GRIP2: variants seen among roughly 807,000 people sequenced by gnomAD.
The protein encoded by GRIP2 is glutamate receptor interacting protein 2.
A neutral mutation model predicts 108.3 loss-of-function variants in GRIP2; 58 were observed. That is an observed-to-expected ratio of 0.54 (90% confidence interval 0.43 to 0.67). The LOEUF is 0.67. Among genes scored for constraint, GRIP2 ranks in the 30% least tolerant of loss-of-function variants. The pLI is 0.00. For synonymous variants in GRIP2, 586 were observed against 598.2 expected, an observed-to-expected ratio of 0.98 and a Z score of 0.30; for missense variants, 1,278 against 1,430.6, an observed-to-expected ratio of 0.89 and a Z score of 1.72.
chr3:14,568,309 G>A, the GRIP2 span, among the ~76,000 whole-genome samples: 3 of 152,158 alleles, frequency 2.0e-5, no homozygotes, highest in Admixed American at 6.5e-5. Flanking sequence ...AATAGACACC[G>A]GGACGTGGAC....
the GRIP2 span, among the ~76,000 whole-genome samples, chr3:14,568,584 C>T: frequency 1.3e-5 from 2 of 152,166 alleles, no homozygotes; most frequent in Non-Finnish European, 2.9e-5. Context: ...ACCTGACTCA[C>T]GTGGCACAGG....
chr3:14,505,391 C>T lies in GRIP2; in HGVS notation c.2573+224G>A, dbSNP rs1693890048. 6.6e-6 allele frequency among the ~76,000 whole-genome samples: 1 copy of T among 152,144 alleles called. No individual in the cohort carries two copies. Among genetic ancestry groups the T allele is most frequent in the African/African-American group, 2.4e-5 (1 of 41,424 alleles). On this transcript the variant is annotated intron_variant, in intron 20 of 23. Coordinates refer to ENST00000621039, the MANE Select transcript of GRIP2 (RefSeq NM_001080423.4). This position sits in a 1 kb window ranked among gnomAD's most constrained non-coding sequence, Gnocchi z 4.2. The stretch of plus-strand genomic sequence containing the variant: ...GGGAAGGGCAAACCAGGCTGCTCTC[C>T]ACCTCTATACCTTCGTCCCTGCCGT...
Position 14,524,378 on chromosome 3 carries a change from T to C in GRIP2, c.403+15A>G. ...CCGAGGCAGTGGAGAAAGTTCCCCG[T>C]CCAAGGGCACCCACCGGGCGGGGGC... On this transcript the variant is annotated intron_variant, in intron 4 of 23. Transcript: ENST00000621039. The C allele has an allele frequency of 6.2e-7, 1 of 1,607,116 alleles. No homozygotes were observed. The highest frequency in any genetic ancestry group is 1.1e-5 in the South Asian group (1 of 89,274).
the GRIP2 span, among the ~76,000 whole-genome samples, chr3:14,584,801 C>T: frequency 1.3e-5 from 2 of 152,322 alleles, no homozygotes; most frequent in African/African-American, 4.8e-5. Flanking sequence ...AGCACCCATA[C>T]ATCTCCCCTG....
Position 14,521,798 on chromosome 3 carries a change from G to C in GRIP2, c.567-11C>G. On this transcript the variant is annotated splice_polypyrimidine_tract_variant and intron_variant, in intron 6 of 23. Transcript: ENST00000621039. The surrounding 1 kb of genome is among the most constrained non-coding windows in gnomAD (Gnocchi z 5.1). Reference sequence around the variant, plus strand: ...TTCAGGGAGCCCTCCCTGTAGGGAAGGGCCAGTCACCAGCCTGGCCCGGCA... The same window carrying C: ...TTCAGGGAGCCCTCCCTGTAGGGAACGGCCAGTCACCAGCCTGGCCCGGCA... The C allele has an allele frequency of 6.3e-7, 1 of 1,580,178 alleles. No homozygotes were observed. The highest frequency in any genetic ancestry group is 8.6e-7 in the Non-Finnish European group (1 of 1,163,506).
chr3:14,559,737 G>A (rs114196571), upstream of GRIP2, among the ~76,000 whole-genome samples: 20 of 152,290 alleles, frequency 1.3e-4, no homozygotes, highest in African/African-American at 4.8e-4. Context: ...CACAAGAAAC[G>A]GAACTGAGGA....
chr3:14,552,546 G>A (rs916332197), intron 1 of GRIP2, among the ~76,000 whole-genome samples: 4 of 151,960 alleles, frequency 2.6e-5, no homozygotes, highest in Non-Finnish European at 5.9e-5. Flanking sequence ...CTCCTGCCTG[G>A]GTCCCACCCA....
chr3:14,499,383 G>A (rs1259154300), intron 21 of GRIP2, among the ~76,000 whole-genome samples: 1 of 65,128 alleles, frequency 1.5e-5, no homozygotes, highest in Non-Finnish European at 3.9e-5. Context: ...ACAAGTCGGC[G>A]AATCCATACT....
Position 14,524,459 on chromosome 3 carries a change from TG to T in GRIP2, c.336del (p.Ile113SerfsTer66). The T allele has an allele frequency of 1.9e-6, 3 of 1,599,240 alleles. No individual in the cohort carries two copies. Among genetic ancestry groups the T allele is most frequent in the Non-Finnish European group, 2.6e-6 (3 of 1,173,118 alleles). ...TCGCCCACATTCTTGAGCAGGGTGA[TG>T]ATCTCATCGTGGCGGAGCCTGGTCA... is the stretch of plus-strand genomic sequence containing the variant. Reference protein sequence around the residue: ...IHLTRLRHDEIITLLKNVGER... With the variant: ...IHLTRLRHDEXITLLKNVGER... On this transcript the variant is annotated frameshift_variant, in exon 4 of 24. Transcript: ENST00000621039. LOFTEE classifies it high-confidence loss of function.
the GRIP2 span, among the ~76,000 whole-genome samples, chr3:14,567,239 C>T: frequency 1.3e-5 from 2 of 152,044 alleles, no homozygotes; most frequent in African/African-American, 2.4e-5. Flanking sequence ...TTCCAAACAC[C>T]CTTCCAATCT....
chr3:14,532,421 G>A (rs897162461), intron 1 of GRIP2, among the ~76,000 whole-genome samples: 3 of 152,122 alleles, frequency 2.0e-5, no homozygotes, highest in African/African-American at 7.2e-5. Context: ...CTCAGCCTTC[G>A]CACTATGGGT....
chr3:14,598,494 G>A, the GRIP2 span, among the ~76,000 whole-genome samples: 2 of 148,156 alleles, frequency 1.3e-5, no homozygotes, highest in African/African-American at 4.9e-5. Flanking sequence ...TACGTTGACA[G>A]CCTTTTATCT....
At chr3:14,601,862 G>A in the GRIP2 span, among the ~76,000 whole-genome samples, 33 of 152,234 alleles carry the variant, frequency 2.2e-4, no homozygotes, top group Admixed American at 1.0e-3. Flanking sequence ...AAGGTGGGAG[G>A]CCTGGAAACT....
At chr3:14,510,268 T>G (rs577749031) in intron 16 of GRIP2, among the ~76,000 whole-genome samples, 16 of 149,104 alleles carry the variant, frequency 1.1e-4, no homozygotes, top group African/African-American at 3.0e-4. Flanking sequence ...GTTTTTTTTT[T>G]TTTTTTTTTT....
chr3:14,535,850 C>A (rs946021196), intron 1 of GRIP2, among the ~76,000 whole-genome samples: 1 of 152,208 alleles, frequency 6.6e-6, no homozygotes, highest in African/African-American at 2.4e-5. Context: ...CCTGCAGCCC[C>A]GGGGCTGTTC....
At chr3:14,572,480 C>T in the GRIP2 span, among the ~76,000 whole-genome samples, 271 of 150,972 alleles carry the variant, frequency 1.8e-3, 1 homozygote, top group Non-Finnish European at 2.9e-3. Flanking sequence ...GGCGTGGTGG[C>T]GGGCGCCTGT....
upstream of GRIP2, chr3:14,540,502 C>A: frequency 7.5e-7 from 1 of 1,332,808 alleles, no homozygotes; most frequent in East Asian, 2.6e-5. This position sits in a 1 kb window ranked among gnomAD's most constrained non-coding sequence, Gnocchi z 4.1. Context: ...GGCTCCAGGA[C>A]AGGGTCCAAC....
At chr3:14,567,996 G>T in the GRIP2 span, among the ~76,000 whole-genome samples, 2 of 152,218 alleles carry the variant, frequency 1.3e-5, no homozygotes, top group Admixed American at 1.3e-4. Flanking sequence ...CACGGCCCAT[G>T]CAAAGGCCCT....
At position 14,505,143 on chromosome 3, in the gene GRIP2, G is replaced by A. The variant is rs751043460; in HGVS notation, c.2573+472C>T. ...GGAACCGCCTGATCAAAAGCACCAC[G>A]ATGGGAGGGTGGCCTGGGCCAGATG... is the stretch of plus-strand genomic sequence containing the variant. On this transcript the variant is annotated intron_variant, in intron 20 of 23. Transcript: ENST00000621039. The surrounding 1 kb of genome is among the most constrained non-coding windows in gnomAD (Gnocchi z 4.2). 3.9e-5 allele frequency among the ~76,000 whole-genome samples: 6 copies of A among 152,180 alleles called. No individual in the cohort carries two copies. The East Asian group carries it at 7.7e-4, about 20-fold the overall frequency.
Sources: allele counts gnomAD v4.1 joint callset (sites outside exome capture counted in the v4.1 genomes callset), GRCh38; gene constraint gnomAD v4.1.1; non-coding constraint Gnocchi (gnomAD v3.1); transcripts MANE v1.5; gene names NCBI Gene and HGNC (gene_info 2026-07-23, HGNC 2026-07-21).